Variants in BCAR3 observed in about 807,000 individuals in gnomAD.
BCAR3 encodes breast cancer anti-estrogen resistance protein 3.
In BCAR3, 37 loss-of-function variants were observed where a neutral mutation model predicts 80.1. That is an observed-to-expected ratio of 0.46 (90% CI 0.36 to 0.61). BCAR3 has a LOEUF of 0.61. Among genes scored for constraint, BCAR3 ranks in the 20% least tolerant of loss-of-function variants. The pLI is 0.00. For missense variants in BCAR3, 978 were observed against 1,068.2 expected (o/e 0.92, Z 1.18); for synonymous variants, 389 against 418.9 (o/e 0.93, Z 0.87).
chr1:93,606,926 A>T (rs539414724), intron 3 of BCAR3, among the ~76,000 whole-genome samples: 1 of 152,246 alleles, frequency 6.6e-6, no homozygotes, highest in Non-Finnish European at 1.5e-5. Context: ...TTCCAATCAT[A>T]TCAGAATTGG....
intron 2 of BCAR3, among the ~76,000 whole-genome samples, chr1:93,655,244 G>GAGATTTGTGTT (rs1206909196): frequency 1.3e-5 from 2 of 152,164 alleles, no homozygotes; most frequent in African/African-American, 2.4e-5. Context: ...AAAATAACCA[G>GAGATTTGTGTT]AGATTTGTGT....
chr1:93,755,922 T>G (rs1651733480), intron 2 of BCAR3, among the ~76,000 whole-genome samples: 1 of 152,170 alleles, frequency 6.6e-6, no homozygotes, highest in South Asian at 2.1e-4. Flanking sequence ...TCACACTGAC[T>G]CCAGGGCTCA....
intron 2 of BCAR3, among the ~76,000 whole-genome samples, chr1:93,670,268 T>C (rs1037546155): frequency 2.0e-5 from 3 of 152,160 alleles, no homozygotes; most frequent in Admixed American, 6.5e-5. Flanking sequence ...AAGAGCTCCC[T>C]GGCTTCTGGC....
At chr1:93,597,128 A>G (rs1351827830) in intron 3 of BCAR3, among the ~76,000 whole-genome samples, 3 of 152,198 alleles carry the variant, frequency 2.0e-5, no homozygotes, top group Non-Finnish European at 2.9e-5. Context: ...AATAATAAGT[A>G]TAACTTCAGC....
At chr1:93,807,964 G>C (rs1653709877) in intron 2 of BCAR3, among the ~76,000 whole-genome samples, 1 of 151,522 alleles carries the variant, frequency 6.6e-6, no homozygotes. Context: ...GGAGGTTCAG[G>C]GAGGCAGAGG....
At position 93,575,356 on chromosome 1, in the gene BCAR3, T is replaced by C. The variant is rs149091827; in HGVS notation, c.1802+658A>G. Among the ~76,000 whole-genome samples the C allele has an allele frequency of 3.9e-3, 592 of 152,350 alleles. 4 individuals carry two copies. The highest frequency in any genetic ancestry group is 0.01 in the Middle Eastern group (3 of 294). On this transcript the variant is annotated intron_variant, in intron 8 of 11. Coordinates refer to ENST00000260502, the MANE Select transcript of BCAR3 (RefSeq NM_003567.4). Reference sequence around the variant, plus strand: ...CAAAAAGGCTGGCTTTGTGGTAATATGGATATCTAGTCTAGAGCTTCTTTT... The same window carrying C: ...CAAAAAGGCTGGCTTTGTGGTAATACGGATATCTAGTCTAGAGCTTCTTTT...
chr1:93,835,504 T>G (rs1387975842), intron 2 of BCAR3, among the ~76,000 whole-genome samples: 1 of 152,208 alleles, frequency 6.6e-6, no homozygotes, highest in Non-Finnish European at 1.5e-5. Flanking sequence ...AAATGGTTCT[T>G]GGACCAAGGA....
intron 5 of BCAR3, among the ~76,000 whole-genome samples, chr1:93,587,433 T>C (rs1050526331): frequency 3.9e-5 from 6 of 152,340 alleles, no homozygotes; most frequent in Admixed American, 3.3e-4. Flanking sequence ...TTAAATCATG[T>C]ACACCTCACA....
chr1:93,634,754 CTT>C (rs1675727301), intron 3 of BCAR3, among the ~76,000 whole-genome samples: 1 of 151,996 alleles, frequency 6.6e-6, no homozygotes, highest in African/African-American at 2.4e-5. Context: ...CACAAGCTCT[CTT>C]CTCTTGTCTG....
At chr1:93,690,015 A>G (rs1031403961) in intron 3 of BCAR3, among the ~76,000 whole-genome samples, 1 of 152,206 alleles carries the variant, frequency 6.6e-6, no homozygotes, top group African/African-American at 2.4e-5. Context: ...TTTACAGATA[A>G]TCTGTAGAGG....
chr1:93,764,899 A>G (rs10158745), intron 2 of BCAR3, among the ~76,000 whole-genome samples: 17,787 of 152,164 alleles, frequency 0.12, 1,463 homozygotes, highest in African/African-American at 0.22. Context: ...ACCCCAGGCC[A>G]CATCCACAGT....
At chr1:93,805,714 A>C (rs1304148527) in intron 2 of BCAR3, among the ~76,000 whole-genome samples, 4 of 152,270 alleles carry the variant, frequency 2.6e-5, no homozygotes, top group Admixed American at 2.6e-4. Flanking sequence ...AAAAGCCAAG[A>C]GTAAACAAAC....
At chr1:93,752,843 A>T (rs900915151) in intron 2 of BCAR3, 1 of 152,240 alleles carries the variant, frequency 6.6e-6, no homozygotes, top group East Asian at 1.9e-4. Context: ...TCAAGAAAAC[A>T]GAAAAAGCAG....
At chr1:93,602,229 A>T (rs1459746705) in intron 3 of BCAR3, 1 of 152,110 alleles carries the variant, frequency 6.6e-6, no homozygotes, top group Non-Finnish European at 1.5e-5. Flanking sequence ...CCAGGACTAC[A>T]GGTCTGCACC....
intron 2 of BCAR3, among the ~76,000 whole-genome samples, chr1:93,713,812 A>G (rs955496524): frequency 6.6e-6 from 1 of 152,234 alleles, no homozygotes; most frequent in Non-Finnish European, 1.5e-5. Flanking sequence ...GAGCCTTCAA[A>G]TGTTAATAAA....
chr1:93,624,679 G>C (rs749595333), intron 3 of BCAR3, among the ~76,000 whole-genome samples: 4 of 152,182 alleles, frequency 2.6e-5, no homozygotes, highest in Admixed American at 6.5e-5. Flanking sequence ...CTCAACCTGG[G>C]GTCCACAAAC....
intron 2 of BCAR3, among the ~76,000 whole-genome samples, chr1:93,798,648 C>T (rs574989710): frequency 6.6e-6 from 1 of 152,286 alleles, no homozygotes; most frequent in Admixed American, 6.5e-5. Flanking sequence ...TACTATTAAT[C>T]CAGCCAACTG....
intron 2 of BCAR3, among the ~76,000 whole-genome samples, chr1:93,766,187 T>G (rs1460630531): frequency 6.6e-6 from 1 of 152,180 alleles, no homozygotes; most frequent in East Asian, 1.9e-4. Flanking sequence ...ATGTGTGGGA[T>G]AGTCAGTTTA....
intron 2 of BCAR3, among the ~76,000 whole-genome samples, chr1:93,745,226 G>T (rs1414269058): frequency 6.6e-6 from 1 of 152,276 alleles, no homozygotes; most frequent in Non-Finnish European, 1.5e-5. Context: ...TGGAGGGAAA[G>T]AAGTGATGCT....
Sources: gnomAD v4.1 joint callset for allele counts (sites outside exome capture counted in the v4.1 genomes callset) on GRCh38, gnomAD v4.1.1 for gene constraint, MANE v1.5 for transcripts, NCBI Gene and HGNC (gene_info 2026-07-23, HGNC 2026-07-21) for gene names.